GUCA1C: variants seen among roughly 807,000 people sequenced by gnomAD.
GUCA1C encodes the protein guanylate cyclase activator 1C.
Under a neutral mutation model 16.2 loss-of-function variants are expected in GUCA1C, and 15 were observed. That is an observed-to-expected ratio of 0.93 (90% CI 0.62 to 1.43). The LOEUF is 1.43. GUCA1C is among the 40% of genes most tolerant of loss of function. The pLI is 0.00. For synonymous variants in GUCA1C, 78 were observed against 85.4 expected (o/e 0.91, Z 0.48); for missense variants, 275 against 244.8 (o/e 1.12, Z -0.82).
At chr3:108,928,624 A>G (rs1261286541) in intron 1 of GUCA1C, among the ~76,000 whole-genome samples, 1 of 152,198 alleles carries the variant, frequency 6.6e-6, no homozygotes, top group Non-Finnish European at 1.5e-5. Flanking sequence ...TGAAAGGTGT[A>G]AGGTCTTTGT....
chr3:108,920,657 A>G, intron 1 of GUCA1C, 72 bp from the exon 2 acceptor site: 2 of 827,420 alleles, frequency 2.4e-6, no homozygotes, highest in South Asian at 3.4e-5. Context: ...AGAACTCAGC[A>G]TTCGTGAGCA....
intron 1 of GUCA1C, among the ~76,000 whole-genome samples, chr3:108,939,265 C>A (rs1241761793): frequency 2.1e-5 from 3 of 144,238 alleles, no homozygotes; most frequent in Non-Finnish European, 3.0e-5. Context: ...TAGAAAATGG[C>A]AGAATTTGAT....
intron 3 of GUCA1C, among the ~76,000 whole-genome samples, chr3:108,908,907 G>A (rs1387057104): frequency 6.6e-6 from 1 of 152,146 alleles, no homozygotes; most frequent in Non-Finnish European, 1.5e-5. Flanking sequence ...AAATCATTTG[G>A]GTTGGGATTA....
Position 108,913,230 on chromosome 3 carries a change from A to AT in GUCA1C, c.442+2896_442+2897insA, listed in dbSNP as rs1559839360. Among the ~76,000 whole-genome samples, 192 of 147,908 alleles carry AT rather than the reference A, an allele frequency of 1.3e-3. No individual in the cohort carries two copies. The East Asian group carries it at 0.017, about 13-fold the overall frequency. On this transcript the variant is annotated intron_variant, in intron 3 of 3. Coordinates refer to ENST00000261047, the MANE Select transcript of GUCA1C (RefSeq NM_005459.4). ...TGCTTGCTTTTTATTTTGAGAAATA[A>AT]ATATATATATATATATATGTCAGTG... is the stretch of plus-strand genomic sequence containing the variant.
intron 2 of GUCA1C, among the ~76,000 whole-genome samples, chr3:108,918,990 C>T (rs1946546004): frequency 6.6e-6 from 1 of 152,022 alleles, no homozygotes; most frequent in African/African-American, 2.4e-5. Context: ...ATAAGTAATG[C>T]TAACTCTAAA....
chr3:108,926,916 C>T (rs2107292977), intron 1 of GUCA1C, among the ~76,000 whole-genome samples: 1 of 152,102 alleles, frequency 6.6e-6, no homozygotes, highest in Admixed American at 6.5e-5. Context: ...TCTTGTAGTG[C>T]TAGCTTGGTA....
intron 1 of GUCA1C, among the ~76,000 whole-genome samples, chr3:108,945,943 G>C (rs1476881965): frequency 6.6e-6 from 1 of 152,146 alleles, no homozygotes; most frequent in Non-Finnish European, 1.5e-5. Flanking sequence ...TATAAGCCAA[G>C]TATTAAACAG....
chr3:108,932,368 T>C (rs910339245), intron 1 of GUCA1C, among the ~76,000 whole-genome samples: 2 of 150,332 alleles, frequency 1.3e-5, no homozygotes, highest in South Asian at 2.1e-4. Flanking sequence ...TCAAAGCTCC[T>C]TGGGATATAG....
Position 108,943,951 on chromosome 3 carries a change from C to A in GUCA1C, c.204+9608G>T, listed in dbSNP as rs1428647546. On this transcript the variant is annotated intron_variant, in intron 1 of 3. Coordinates refer to ENST00000261047, the MANE Select transcript of GUCA1C (RefSeq NM_005459.4). ...TCATCCAGGTCACTCCACCTGTACC[C>A]CAATAACTTATAGAAAAAATTTTTA... 7.3e-5 allele frequency among the ~76,000 whole-genome samples: 11 copies of A among 151,650 alleles called. No individual in the cohort carries two copies. In the East Asian group the frequency reaches 9.7e-4, roughly 13 times the overall value.
At chr3:108,944,834 G>T (rs1212421433) in intron 1 of GUCA1C, among the ~76,000 whole-genome samples, 1 of 152,210 alleles carries the variant, frequency 6.6e-6, no homozygotes, top group African/African-American at 2.4e-5. Context: ...ATTTGAGGGG[G>T]TCAATAATCC....
chr3:108,953,573 A>G lies in GUCA1C; in HGVS notation c.190T>C (p.Phe64Leu). 1 of 1,600,208 alleles carries G rather than the reference A, an allele frequency of 6.2e-7. No individual in the cohort carries two copies. The highest frequency in any genetic ancestry group is 8.6e-7 in the Non-Finnish European group (1 of 1,167,434). ...NKHIDQVYNT[F>L]DTNKDGFVDF... ...AAAGATCTTACCTTGTTCGTGTCAA[A>G]GGTATTATAAACTTGATCAATATGT... Residue 64 changes from phenylalanine (F) to leucine (L), a missense_variant, in exon 1 of 4, where the codon TTT (phenylalanine) becomes CTT (leucine). Transcript: ENST00000261047.
At chr3:108,953,534 T>A in intron 1 of GUCA1C, 25 bp downstream of exon 1, 1 of 1,465,806 alleles carries the variant, frequency 6.8e-7, no homozygotes, top group Non-Finnish European at 9.6e-7. Context: ...CATTTTCAAA[T>A]GAAATGAAAA....
chr3:108,946,586 T>C (rs1437187027), intron 1 of GUCA1C, among the ~76,000 whole-genome samples: 4 of 152,234 alleles, frequency 2.6e-5, no homozygotes, highest in Admixed American at 1.3e-4. Flanking sequence ...CCAATAATTA[T>C]GTGCCTGTAA....
chr3:108,928,498 G>A (rs548347047), intron 1 of GUCA1C, among the ~76,000 whole-genome samples: 8 of 152,138 alleles, frequency 5.3e-5, no homozygotes, highest in East Asian at 3.9e-4. Context: ...GCATTGTATC[G>A]AAAACATCAT....
chr3:108,921,233 A>G (rs1946566736), intron 1 of GUCA1C, among the ~76,000 whole-genome samples: 1 of 152,162 alleles, frequency 6.6e-6, no homozygotes, highest in Non-Finnish European at 1.5e-5. Context: ...TTCACTTAGT[A>G]ATATGCATTT....
intron 1 of GUCA1C, among the ~76,000 whole-genome samples, chr3:108,933,058 CCT>C (rs1183159528): frequency 6.6e-6 from 1 of 152,204 alleles, no homozygotes; most frequent in Admixed American, 6.5e-5. Context: ...ACACCCCCTT[CCT>C]CTCTCATCTG....
intron 3 of GUCA1C, among the ~76,000 whole-genome samples, chr3:108,911,240 C>T (rs1270125495): frequency 6.6e-6 from 1 of 152,120 alleles, no homozygotes; most frequent in East Asian, 1.9e-4. Flanking sequence ...CATTTCTTCC[C>T]ATTTACATCT....
At chr3:108,942,424 C>A (rs973317081) in intron 1 of GUCA1C, among the ~76,000 whole-genome samples, 4 of 152,196 alleles carry the variant, frequency 2.6e-5, no homozygotes, top group Admixed American at 1.3e-4. Flanking sequence ...CTTATACTGT[C>A]TTGCTTTATT....
At chr3:108,944,201 G>A (rs1200930840) in intron 1 of GUCA1C, among the ~76,000 whole-genome samples, 1 of 152,096 alleles carries the variant, frequency 6.6e-6, no homozygotes, top group Non-Finnish European at 1.5e-5. Flanking sequence ...AGAGAGGAAT[G>A]GAAAGGAAAG....
Sources: allele counts gnomAD v4.1 joint callset (sites outside exome capture counted in the v4.1 genomes callset), GRCh38; gene constraint gnomAD v4.1.1; transcripts MANE v1.5; gene names NCBI Gene and HGNC (gene_info 2026-07-23, HGNC 2026-07-21).